RAB11FIP3: variants seen among roughly 807,000 people sequenced by gnomAD.
The protein encoded by RAB11FIP3 is RAB11 family interacting protein 3.
Under a neutral mutation model 77.8 loss-of-function variants are expected in RAB11FIP3, and 17 were observed. The ratio of observed to expected loss-of-function variants is 0.22; its 90% CI spans 0.15 to 0.33. RAB11FIP3 has a LOEUF of 0.33. Ranked by LOEUF, RAB11FIP3 falls within the 10% of genes least tolerant of loss-of-function variation. RAB11FIP3 has a pLI of 1.00. For missense variants in RAB11FIP3, 1,005 were observed against 1,011.2 expected (o/e 0.99, Z 0.08); for synonymous variants, 437 against 448.2 (o/e 0.98, Z 0.31).
chr16:484,426 A>G (rs1448405001), intron 4 of RAB11FIP3, among the ~76,000 whole-genome samples: 1 of 151,260 alleles, frequency 6.6e-6, no homozygotes, highest in African/African-American at 2.4e-5. Context: ...ATCTCAGCTC[A>G]CTGCAGCCTC....
At chr16:452,001 T>C (rs1000640452) in intron 1 of RAB11FIP3, among the ~76,000 whole-genome samples, 1 of 151,842 alleles carries the variant, frequency 6.6e-6, no homozygotes, top group African/African-American at 2.4e-5. Context: ...ATACAAAAAT[T>C]AGCTGGGCGT....
At chr16:478,322 A>G (rs1327595384) in intron 3 of RAB11FIP3, among the ~76,000 whole-genome samples, 1 of 151,416 alleles carries the variant, frequency 6.6e-6, no homozygotes, top group Non-Finnish European at 1.5e-5. Context: ...CCCCCCGAGT[A>G]GCTGGGACTG....
chr16:463,583 C>CA (rs1260380674), intron 2 of RAB11FIP3, among the ~76,000 whole-genome samples: 5 of 152,064 alleles, frequency 3.3e-5, no homozygotes, highest in African/African-American at 1.2e-4. Context: ...GGATTACAGG[C>CA]ATGTGCCATT....
At chr16:449,185 C>G (rs1321096323) in intron 1 of RAB11FIP3, among the ~76,000 whole-genome samples, 1 of 152,144 alleles carries the variant, frequency 6.6e-6, no homozygotes, top group Non-Finnish European at 1.5e-5. Context: ...AGGCACACAT[C>G]CTCCTCCAGG....
At chr16:517,818 C>A (rs2032487323) in intron 9 of RAB11FIP3, among the ~76,000 whole-genome samples, 1 of 152,118 alleles carries the variant, frequency 6.6e-6, no homozygotes, top group Non-Finnish European at 1.5e-5. Context: ...CGCGGTGGCT[C>A]ACGCCTGTAA....
chr16:505,448 C>T lies in RAB11FIP3; in HGVS notation c.1396-76C>T. ...TGCTGAGAAAATCCCCAGGCGGCCT[C>T]CCAGGTTGTTCCCTTGGGGGTGCAG... On this transcript the variant is annotated intron_variant, in intron 7 of 13. Transcript: ENST00000262305. This position sits in a 1 kb window ranked among gnomAD's most constrained non-coding sequence, Gnocchi z 4.0. 5 of 1,204,254 alleles carry T rather than the reference C, an allele frequency of 4.2e-6. 1 individual carries two copies. In the South Asian group the frequency reaches 7.0e-5, roughly 17 times the overall value. The allele number at this position is 1,204,254 out of a possible 1,614,324, so 74.6% of individuals were successfully genotyped here.
chr16:436,240 C>T (rs539609829), intron 1 of RAB11FIP3, among the ~76,000 whole-genome samples: 1 of 152,084 alleles, frequency 6.6e-6, no homozygotes, highest in South Asian at 2.1e-4. Context: ...ATCCGAGAGG[C>T]GGAGGTTACA....
chr16:498,938 T>TA (rs113835942), intron 6 of RAB11FIP3, among the ~76,000 whole-genome samples: 8,712 of 152,094 alleles, frequency 0.057, 407 homozygotes, highest in African/African-American at 0.13. Flanking sequence ...TGGCCGGGCG[T>TA]AGTAGGTCAC....
chr16:491,381 G>C (rs1207449407), intron 5 of RAB11FIP3: 1 of 1,156,726 alleles, frequency 8.6e-7, no homozygotes, highest in African/African-American at 1.6e-5. Flanking sequence ...CTCAGGCAGC[G>C]GGACTCTCCC....
intron 2 of RAB11FIP3, among the ~76,000 whole-genome samples, chr16:469,361 A>T (rs1374497701): frequency 6.6e-6 from 1 of 152,104 alleles, no homozygotes; most frequent in Non-Finnish European, 1.5e-5. Context: ...GGCGTGAGCC[A>T]CCATGCCCGG....
rs975718057 is a variant in RAB11FIP3 at position 503,070 on chromosome 16, G to C, written c.1368G>C (p.Glu456Asp). The C allele has an allele frequency of 6.2e-7, 1 of 1,613,038 alleles. No individual in the cohort carries two copies. Among genetic ancestry groups the C allele is most frequent in the Middle Eastern group, 1.7e-4 (1 of 6,052 alleles). Residue 456 changes from glutamate (E) to aspartate (D), a missense_variant, in exon 7 of 14, where the codon GAG (glutamate) becomes GAC (aspartate). Glu to Asp is a conservative substitution (Grantham distance 45). Around this residue, in one of 4 missense-constraint regions of RAB11FIP3, gnomAD observed 433 missense variants for 436.1 expected, o/e 0.99. Coordinates refer to ENST00000262305, the MANE Select transcript of RAB11FIP3 (RefSeq NM_014700.4). ...ALEDPSPELM[E>D]GPEEDIADKV... ...AGGACCCTTCCCCCGAGCTCATGGA[G>C]GGCCCAGAGGAGGACATTGCTGACA...
chr16:462,094 C>A (rs550563426), intron 2 of RAB11FIP3, among the ~76,000 whole-genome samples: 92 of 152,360 alleles, frequency 6.0e-4, no homozygotes, highest in Middle Eastern at 3.4e-3. Flanking sequence ...CTGTGCCTGG[C>A]AGTGCGGAGC....
chr16:494,055 C>A (rs1287143365), intron 5 of RAB11FIP3, among the ~76,000 whole-genome samples: 75 of 71,520 alleles, frequency 1.0e-3, no homozygotes, highest in East Asian at 1.6e-3. Flanking sequence ...AGGCGCCCAT[C>A]ACCACACCTG....
At chr16:517,974 C>T (rs1177215609) in intron 9 of RAB11FIP3, among the ~76,000 whole-genome samples, 1 of 151,836 alleles carries the variant, frequency 6.6e-6, no homozygotes, top group Non-Finnish European at 1.5e-5. Flanking sequence ...CCCAGCTACT[C>T]GGGAGGCTGA....
chr16:519,374 C>G (rs1445761860), intron 10 of RAB11FIP3, among the ~76,000 whole-genome samples: 3 of 152,232 alleles, frequency 2.0e-5, no homozygotes, highest in Non-Finnish European at 2.9e-5. Flanking sequence ...CCTCCCTGCC[C>G]CCACCTCACC....
Position 510,701 on chromosome 16 carries a change from G to A in RAB11FIP3, c.1541G>A (p.Arg514Lys), listed in dbSNP as rs1260869442. 6.2e-7 allele frequency: 1 copy of A among 1,612,510 alleles called. No homozygotes were observed. ...GAGCAGCTGAAGGAGCAGGAGCTGA[G>A]AGCCTGCGAGATGGTCCTGGAAGAG... ...LEEQLKEQELRACEMVLEETR... is the reference protein window; with the variant it reads ...LEEQLKEQELKACEMVLEETR... The change falls in exon 9 of 14, where the codon AGA becomes AAA. Residue 514 changes from arginine (R) to lysine (K), a missense_variant. Arg to Lys is a conservative substitution (Grantham distance 26). Around this residue, in one of 4 missense-constraint regions of RAB11FIP3, gnomAD observed 433 missense variants for 436.1 expected, o/e 0.99. Coordinates refer to ENST00000262305, the MANE Select transcript of RAB11FIP3 (RefSeq NM_014700.4).
intron 1 of RAB11FIP3, among the ~76,000 whole-genome samples, chr16:446,995 G>A (rs1363177708): frequency 2.0e-5 from 3 of 151,088 alleles, no homozygotes; most frequent in African/African-American, 4.9e-5. Context: ...CACCATGCCC[G>A]GCTTTAAAAA....
At chr16:499,385 T>C (rs2031356402) in intron 6 of RAB11FIP3, among the ~76,000 whole-genome samples, 1 of 152,232 alleles carries the variant, frequency 6.6e-6, no homozygotes, top group Admixed American at 6.5e-5. Context: ...CTAAGGCATC[T>C]GCTTGAGGCC....
chr16:518,713 C>G (rs11646375), intron 9 of RAB11FIP3, among the ~76,000 whole-genome samples: 3,057 of 151,194 alleles, frequency 0.02, 47 homozygotes, highest in Non-Finnish European at 0.035. Flanking sequence ...TGACAGAGTG[C>G]GACTCTGCCT....
Sources: gnomAD v4.1 joint callset for allele counts (sites outside exome capture counted in the v4.1 genomes callset) on GRCh38, gnomAD v4.1.1 for gene constraint, gnomAD v4.1.1 regional missense constraint, Gnocchi (gnomAD v3.1) non-coding constraint, MANE v1.5 for transcripts, NCBI Gene and HGNC (gene_info 2026-07-23, HGNC 2026-07-21) for gene names.